RNF121: variants seen among roughly 807,000 people sequenced by gnomAD.
RNF121 encodes E3 ubiquitin ligase RNF121.
Under a neutral mutation model 46.5 loss-of-function variants are expected in RNF121, and 21 were observed. That is an observed-to-expected ratio of 0.45 (90% CI 0.32 to 0.65). The LOEUF (loss-of-function observed/expected upper bound fraction) is 0.65. Ranked by LOEUF, RNF121 falls within the 30% of genes least tolerant of loss-of-function variation. The pLI is 0.04. For synonymous variants in RNF121, 139 were observed against 144.7 expected, an observed-to-expected ratio of 0.96 and a Z score of 0.28; for missense variants, 346 against 416.0, an observed-to-expected ratio of 0.83 and a Z score of 1.46.
At chr11:71,950,644 T>C (rs75638532) in intron 1 of RNF121, among the ~76,000 whole-genome samples, 4,938 of 152,040 alleles carry the variant, frequency 0.032, 78 homozygotes, top group East Asian at 0.077. Context: ...CTCACCACAC[T>C]AAAGGCATCT....
intron 2 of RNF121, among the ~76,000 whole-genome samples, chr11:71,958,398 T>C (rs112501336): frequency 6.6e-6 from 1 of 152,362 alleles, no homozygotes; most frequent in African/African-American, 2.4e-5. Context: ...AGAGTCAATA[T>C]GTCCTTTGTT....
At chr11:71,959,374 T>C (rs182284448) in intron 2 of RNF121, among the ~76,000 whole-genome samples, 3 of 152,332 alleles carry the variant, frequency 2.0e-5, no homozygotes, top group African/African-American at 4.8e-5. Context: ...CTTTTTGTTA[T>C]ATTTGCTTTA....
chr11:71,992,541 ATATGTCGTTT>A (rs1954884436), intron 6 of RNF121, among the ~76,000 whole-genome samples: 2 of 152,206 alleles, frequency 1.3e-5, no homozygotes, highest in African/African-American at 4.8e-5. Flanking sequence ...TGGTTTTGTT[ATATGTCGTTT>A]CATTTAAAGT....
chr11:71,984,951 G>A (rs569422966), intron 4 of RNF121, among the ~76,000 whole-genome samples: 29 of 144,668 alleles, frequency 2.0e-4, no homozygotes, highest in Non-Finnish European at 4.1e-4. Context: ...AGATGAGGTC[G>A]CACTCTGTCG....
intron 3 of RNF121, among the ~76,000 whole-genome samples, chr11:71,972,953 G>T (rs547620978): frequency 6.6e-6 from 1 of 152,116 alleles, no homozygotes; most frequent in South Asian, 2.1e-4. Flanking sequence ...TTGGGAGGCC[G>T]AGGCAGGCGG....
At chr11:71,950,327 G>A (rs2134164535) in intron 1 of RNF121, among the ~76,000 whole-genome samples, 1 of 152,268 alleles carries the variant, frequency 6.6e-6, no homozygotes, top group East Asian at 1.9e-4. Flanking sequence ...GCTCACGCCT[G>A]TAATCCCAGC....
intron 1 of RNF121, among the ~76,000 whole-genome samples, chr11:71,934,741 A>G (rs1953361219): frequency 6.6e-6 from 1 of 152,162 alleles, no homozygotes; most frequent in African/African-American, 2.4e-5. Context: ...GCCATAGGGT[A>G]GTAAACAGTG....
intron 2 of RNF121, among the ~76,000 whole-genome samples, chr11:71,959,991 G>C (rs1954092248): frequency 1.3e-5 from 2 of 152,160 alleles, no homozygotes; most frequent in Non-Finnish European, 2.9e-5. Flanking sequence ...AGTGGTAGGA[G>C]TGACTGTTCT....
rs181166384 is a variant in RNF121 at position 71,984,483 on chromosome 11, G to A, written c.398+1568G>A. 7.9e-5 allele frequency among the ~76,000 whole-genome samples: 12 copies of A among 151,932 alleles called. No individual in the cohort carries two copies. In the South Asian group the frequency reaches 1.2e-3, roughly 16 times the overall value. ...TTTTTAGTAGAGACAGGGTTTCCCC[G>A]TGTTAGCCAGGATGTCTCGATCTCC... On this transcript the variant is annotated intron_variant, in intron 4 of 8. Transcript: ENST00000361756.
chr11:71,959,176 C>T (rs6592449), intron 2 of RNF121, among the ~76,000 whole-genome samples: 135,168 of 152,196 alleles, frequency 0.89, 60,277 homozygotes, highest in Non-Finnish European at 0.94. Context: ...GTCAGATTCT[C>T]CCACCCAGGG....
intron 5 of RNF121, among the ~76,000 whole-genome samples, chr11:71,987,352 T>G (rs1817167006): frequency 6.6e-6 from 1 of 152,204 alleles, no homozygotes; most frequent in Non-Finnish European, 1.5e-5. Context: ...GCTTTATATT[T>G]TAGTGGAAAA....
At chr11:71,953,837 G>T (rs1425096216) in intron 1 of RNF121, among the ~76,000 whole-genome samples, 2 of 152,108 alleles carry the variant, frequency 1.3e-5, no homozygotes, top group Admixed American at 1.3e-4. Context: ...CTGTTTGTGG[G>T]GATACGTTAG....
At chr11:71,962,790 AGCT>A (rs1420050387) in intron 3 of RNF121, among the ~76,000 whole-genome samples, 1 of 152,228 alleles carries the variant, frequency 6.6e-6, no homozygotes, top group Non-Finnish European at 1.5e-5. Context: ...TTTCCACAGA[AGCT>A]GCACAATTTT....
intron 4 of RNF121, among the ~76,000 whole-genome samples, chr11:71,985,855 G>A (rs951125083): frequency 6.6e-6 from 1 of 152,090 alleles, no homozygotes. Flanking sequence ...CACTTTGGGA[G>A]GCTGAGGTGG....
At chr11:71,961,794 G>T (rs1183742779) in intron 3 of RNF121, among the ~76,000 whole-genome samples, 10 of 152,160 alleles carry the variant, frequency 6.6e-5, no homozygotes, top group African/African-American at 2.4e-4. Flanking sequence ...AAAGACACAA[G>T]CCAGGAGTGG....
intron 3 of RNF121, among the ~76,000 whole-genome samples, chr11:71,964,080 T>C (rs1954210304): frequency 6.6e-6 from 1 of 152,256 alleles, no homozygotes; most frequent in Admixed American, 6.5e-5. Flanking sequence ...AAGATTGGTT[T>C]GATTCTCTAG....
chr11:71,967,675 C>T (rs1954318293), intron 3 of RNF121, among the ~76,000 whole-genome samples: 4 of 152,002 alleles, frequency 2.6e-5, no homozygotes, highest in African/African-American at 7.2e-5. Flanking sequence ...CCCACCTTGG[C>T]CTCCCAAAGT....
chr11:71,981,891 C>G (rs1954667155), intron 3 of RNF121, among the ~76,000 whole-genome samples: 1 of 152,070 alleles, frequency 6.6e-6, no homozygotes, highest in Non-Finnish European at 1.5e-5. Flanking sequence ...GAATTCAAGC[C>G]CAGCCGCATA....
At chr11:71,988,349 G>A (rs1271984089) in intron 5 of RNF121, among the ~76,000 whole-genome samples, 1 of 152,176 alleles carries the variant, frequency 6.6e-6, no homozygotes, top group Non-Finnish European at 1.5e-5. Flanking sequence ...GTGGCTGTGG[G>A]CTGTGGATCA....
Sources: allele counts gnomAD v4.1 joint callset (sites outside exome capture counted in the v4.1 genomes callset), GRCh38; gene constraint gnomAD v4.1.1; transcripts MANE v1.5; gene names NCBI Gene and HGNC (gene_info 2026-07-23, HGNC 2026-07-21).